The following ATF7IP2 variants were observed in gnomAD, a reference collection of about 807,000 sequenced individuals.
ATF7IP2 encodes activating transcription factor 7-interacting protein 2.
In ATF7IP2, 42 loss-of-function variants were observed where a neutral mutation model predicts 64.2. That is an observed-to-expected ratio of 0.65 (90% CI 0.51 to 0.85). The LOEUF (loss-of-function observed/expected upper bound fraction) is 0.85. Ranked by LOEUF, ATF7IP2 falls within the 40% of genes least tolerant of loss-of-function variation. The probability of loss-of-function intolerance (pLI) is 0.00; values close to 1 mark genes in which losing one functional copy is unlikely to be tolerated. For missense variants in ATF7IP2, 933 were observed against 784.2 expected, an observed-to-expected ratio of 1.19 and a Z score of -2.27; for synonymous variants, 308 against 272.8, an observed-to-expected ratio of 1.13 and a Z score of -1.27.
intron 8 of ATF7IP2, among the ~76,000 whole-genome samples, chr16:10,452,751 C>T (rs578062682): frequency 1.3e-5 from 2 of 152,116 alleles, no homozygotes; most frequent in East Asian, 1.9e-4. Flanking sequence ...TCTATAAGCC[C>T]CTGCTGCCTT....
At chr16:10,394,509 A>T (rs901724220) in intron 1 of ATF7IP2, among the ~76,000 whole-genome samples, 1 of 152,226 alleles carries the variant, frequency 6.6e-6, no homozygotes, top group Admixed American at 6.5e-5. Flanking sequence ...CGACTTGAGC[A>T]ACACTAAACC....
chr16:10,402,004 G>A (rs1044346217), intron 1 of ATF7IP2, among the ~76,000 whole-genome samples: 1 of 151,814 alleles, frequency 6.6e-6, no homozygotes, highest in East Asian at 1.9e-4. Flanking sequence ...ACCTCTTCTT[G>A]GTTGGTGTAG....
intron 8 of ATF7IP2, among the ~76,000 whole-genome samples, chr16:10,441,514 G>C (rs2048620977): frequency 6.6e-6 from 1 of 152,190 alleles, no homozygotes; most frequent in South Asian, 2.1e-4. Context: ...GTGATGATCA[G>C]CTATTTTTCA....
intron 1 of ATF7IP2, among the ~76,000 whole-genome samples, chr16:10,389,722 A>T (rs1367985425): frequency 6.6e-6 from 1 of 152,238 alleles, no homozygotes; most frequent in Non-Finnish European, 1.5e-5. Flanking sequence ...CTGGCAAGCA[A>T]CTGCTTTATT....
At chr16:10,386,217 A>C (rs2047199958) in intron 1 of ATF7IP2, 95 bp downstream of exon 1, 1 of 152,108 alleles carries the variant, frequency 6.6e-6, no homozygotes, top group Non-Finnish European at 1.5e-5. Context: ...CCGGCCCCGG[A>C]GGCCTCGGAG....
chr16:10,437,870 T>C (rs1315651996), intron 6 of ATF7IP2, among the ~76,000 whole-genome samples: 1 of 152,246 alleles, frequency 6.6e-6, no homozygotes, highest in East Asian at 1.9e-4. Context: ...ATTATGAGAA[T>C]AAATTTAATT....
At chr16:10,394,859 T>C (rs1334323654) in intron 1 of ATF7IP2, among the ~76,000 whole-genome samples, 1 of 152,100 alleles carries the variant, frequency 6.6e-6, no homozygotes, top group Non-Finnish European at 1.5e-5. Flanking sequence ...ACAGCAATTC[T>C]TAGAAAATTT....
chr16:10,388,852 A>G (rs1198016251), intron 1 of ATF7IP2, among the ~76,000 whole-genome samples: 3 of 152,146 alleles, frequency 2.0e-5, no homozygotes, highest in Non-Finnish European at 4.4e-5. Flanking sequence ...CCACTAAAAA[A>G]TACAAAAAAA....
chr16:10,481,476 G>A (rs1217148406), intron 13 of ATF7IP2, among the ~76,000 whole-genome samples: 2 of 152,180 alleles, frequency 1.3e-5, no homozygotes, highest in Admixed American at 1.3e-4. Flanking sequence ...GTAGAGACAG[G>A]ATTTTGCCAT....
intron 1 of ATF7IP2, among the ~76,000 whole-genome samples, chr16:10,398,311 A>AT (rs1555504370): frequency 8.8e-5 from 13 of 148,132 alleles, no homozygotes; most frequent in African/African-American, 2.6e-4. Flanking sequence ...CTCAAAAAAA[A>AT]AAAAATAATA....
chr16:10,457,900 C>A (rs1296535235), intron 9 of ATF7IP2, among the ~76,000 whole-genome samples: 1 of 152,094 alleles, frequency 6.6e-6, no homozygotes, highest in African/African-American at 2.4e-5. Context: ...TTTGTAGAGG[C>A]AGGGCTTCAC....
Position 10,430,671 on chromosome 16 carries a change from A to G in ATF7IP2, c.51A>G (p.Thr17=). 1 of 1,614,158 alleles carries G rather than the reference A, an allele frequency of 6.2e-7. No individual in the cohort carries two copies. Among genetic ancestry groups the G allele is most frequent in the Non-Finnish European group, 8.5e-7 (1 of 1,180,020 alleles). ...GGAAGATATTAAAAGCCAAAAAGAC[A>G]ATGCCCCTAAGTTGCCGGAAGCAAG... ...SKRKILKAKK[T]MPLSCRKQVE... is the part of the protein sequence containing the mutation. The change falls in exon 5 of 14, where the codon ACA becomes ACG. Residue 17 remains threonine (T), a synonymous_variant. Coordinates refer to ENST00000562102, the MANE Select transcript of ATF7IP2 (RefSeq NM_001393719.1).
intron 1 of ATF7IP2, among the ~76,000 whole-genome samples, chr16:10,404,851 C>A (rs1457387389): frequency 6.6e-6 from 1 of 151,966 alleles, no homozygotes; most frequent in Non-Finnish European, 1.5e-5. Context: ...CCAGAAGTAA[C>A]CTTACAAGTC....
chr16:10,408,331 C>G (rs1029392608), intron 1 of ATF7IP2, among the ~76,000 whole-genome samples: 2 of 152,128 alleles, frequency 1.3e-5, no homozygotes, highest in South Asian at 4.1e-4. Context: ...TGTATAATGA[C>G]TACTTTTCCT....
chr16:10,392,338 C>CT (rs78965141), intron 1 of ATF7IP2, among the ~76,000 whole-genome samples: 3,116 of 138,050 alleles, frequency 0.023, 95 homozygotes, highest in African/African-American at 0.071. Flanking sequence ...TGCGCCTGGC[C>CT]TTTTTTTTTT....
intron 8 of ATF7IP2, chr16:10,448,881 C>T (rs1239000611): frequency 6.6e-6 from 1 of 152,154 alleles, no homozygotes; most frequent in Admixed American, 6.5e-5. Context: ...GCATCCTTCT[C>T]TTGTGCCAGT....
In ATF7IP2 at chr16:10,473,537, G is replaced by A. The variant is rs754823545; in HGVS notation, c.1482+3G>A. On this transcript the variant is annotated splice_donor_region_variant and intron_variant, in intron 11 of 13. Transcript: ENST00000562102. ...ATTCTCCCAATGCTGAAGTTATGGT[G>A]AGTAATAAATATTGACTCTGAATAT... 2.6e-6 allele frequency: 4 copies of A among 1,546,258 alleles called. No homozygotes were observed. The highest frequency in any genetic ancestry group is 2.3e-5 in the East Asian group (1 of 43,930).
intron 9 of ATF7IP2, among the ~76,000 whole-genome samples, chr16:10,462,068 C>T (rs553626731): frequency 6.6e-6 from 1 of 151,962 alleles, no homozygotes; most frequent in African/African-American, 2.4e-5. Flanking sequence ...TTACCGTTTT[C>T]ATTATTCCTT....
At chr16:10,440,047 C>G (rs1409681971) in intron 7 of ATF7IP2, among the ~76,000 whole-genome samples, 1 of 151,884 alleles carries the variant, frequency 6.6e-6, no homozygotes, top group African/African-American at 2.4e-5. Context: ...GTAATCCTAG[C>G]TACTTGGGAG....
Sources: gnomAD v4.1 joint callset for allele counts (sites outside exome capture counted in the v4.1 genomes callset) on GRCh38, gnomAD v4.1.1 for gene constraint, MANE v1.5 for transcripts, NCBI Gene and HGNC (gene_info 2026-07-23, HGNC 2026-07-21) for gene names.